PLCB1: variants seen among roughly 807,000 people sequenced by gnomAD.
The protein encoded by PLCB1 is 1-phosphatidylinositol 4,5-bisphosphate phosphodiesterase beta-1.
PLCB1 carries 46 observed loss-of-function variants against 161.8 expected under a neutral mutation model. The ratio of observed to expected loss-of-function variants is 0.28; its 90% confidence interval spans 0.22 to 0.36. The LOEUF is 0.36. Among genes scored for constraint, PLCB1 ranks in the 10% least tolerant of loss-of-function variants. The pLI, the probability that PLCB1 is intolerant of heterozygous loss-of-function variation, is 1.00. For synonymous variants in PLCB1, 517 were observed against 503.7 expected (o/e 1.03, Z -0.35); for missense variants, 1,016 against 1,472.5 (o/e 0.69, Z 5.07).
chr20:8,695,687 G>A (rs1990570229), intron 10 of PLCB1, among the ~76,000 whole-genome samples: 1 of 152,176 alleles, frequency 6.6e-6, no homozygotes, highest in South Asian at 2.1e-4. Flanking sequence ...CGGTGACAGA[G>A]TGAGATCCCA....
chr20:8,455,432 C>CTCTT (rs1365729968), intron 3 of PLCB1, among the ~76,000 whole-genome samples: 1 of 74,166 alleles, frequency 1.3e-5, no homozygotes, highest in African/African-American at 6.4e-5. Context: ...TATTCTTCCT[C>CTCTT]TTTTTTTTTT....
intron 31 of PLCB1, among the ~76,000 whole-genome samples, chr20:8,847,034 C>T (rs941634373): frequency 1.3e-5 from 2 of 152,208 alleles, no homozygotes; most frequent in African/African-American, 2.4e-5. Flanking sequence ...GTTTTGGTCT[C>T]AGCCCCAAAG....
chr20:8,728,624 A>T (rs1450076750), intron 17 of PLCB1, among the ~76,000 whole-genome samples: 1 of 152,058 alleles, frequency 6.6e-6, no homozygotes, highest in East Asian at 1.9e-4. Context: ...AAATGATTTA[A>T]CACATTCCAG....
intron 3 of PLCB1, among the ~76,000 whole-genome samples, chr20:8,524,892 A>G (rs1180208730): frequency 6.6e-6 from 1 of 152,164 alleles, no homozygotes; most frequent in Non-Finnish European, 1.5e-5. Flanking sequence ...AGAGGGAGGG[A>G]GCGTCTGTGT....
intron 3 of PLCB1, among the ~76,000 whole-genome samples, chr20:8,610,463 T>A (rs188939274): frequency 6.6e-6 from 1 of 152,326 alleles, no homozygotes; most frequent in Admixed American, 6.5e-5. Flanking sequence ...TAAGCTTTTG[T>A]GTGGACATGT....
chr20:8,657,864 A>T (rs189354645), intron 8 of PLCB1, among the ~76,000 whole-genome samples: 123 of 152,290 alleles, frequency 8.1e-4, no homozygotes, highest in Non-Finnish European at 1.4e-3. Flanking sequence ...ACATGACAGA[A>T]AATCAATACA....
At chr20:8,826,482 C>T (rs181598659) in intron 31 of PLCB1, among the ~76,000 whole-genome samples, 2,439 of 134,000 alleles carry the variant, frequency 0.018, 65 homozygotes, top group African/African-American at 0.063. Flanking sequence ...GGCAACAGAG[C>T]GAGACTCCGT....
intron 3 of PLCB1, among the ~76,000 whole-genome samples, chr20:8,402,842 C>T (rs955186149): frequency 4.0e-5 from 6 of 151,732 alleles, no homozygotes; most frequent in Non-Finnish European, 7.4e-5. Context: ...AAGACTCCAT[C>T]TCAAAAAAAT....
At chr20:8,664,920 CT>C (rs535263944) in intron 9 of PLCB1, among the ~76,000 whole-genome samples, 3 of 152,220 alleles carry the variant, frequency 2.0e-5, no homozygotes, top group South Asian at 4.1e-4. Context: ...GCTTCGGTCA[CT>C]CAAGGCCACT....
In PLCB1 at chr20:8,371,476, A is replaced by G. The variant is rs547790493; in HGVS notation, c.246+26A>G. The G allele has an allele frequency of 7.0e-4, 1,054 of 1,506,362 alleles. 16 individuals carry two copies. The South Asian group carries it at 0.012, about 17-fold the overall frequency. The allele number at this position is 1,506,362 out of a possible 1,614,324, so 93.3% of individuals were successfully genotyped here. ...GTAGGAGGTTGAGTGTTGTGCATGCACCAGATGCTGCCTTGATTGTTTGGC... is the reference window on the plus strand; with the variant it reads ...GTAGGAGGTTGAGTGTTGTGCATGCGCCAGATGCTGCCTTGATTGTTTGGC... On this transcript the variant is annotated intron_variant, in intron 3 of 31. Transcript: ENST00000338037.
At chr20:8,676,180 G>A (rs1600243560) in intron 9 of PLCB1, among the ~76,000 whole-genome samples, 1 of 152,202 alleles carries the variant, frequency 6.6e-6, no homozygotes, top group Non-Finnish European at 1.5e-5. Context: ...GACCAGCCTG[G>A]TGAAACCCTG....
chr20:8,146,105 GTTTTTTTTT>G (rs58227641), intron 1 of PLCB1, among the ~76,000 whole-genome samples: 1 of 141,752 alleles, frequency 7.1e-6, no homozygotes, highest in African/African-American at 2.5e-5. Context: ...TGTTTTTTTT[GTTTTTTTTT>G]TTTTTGGTAT....
intron 11 of PLCB1, 88 bp downstream of exon 11, chr20:8,697,871 G>T (rs985417489): frequency 1.6e-6 from 2 of 1,219,562 alleles, no homozygotes; most frequent in African/African-American, 1.5e-5. Context: ...AGTCCCAGTG[G>T]TCACAATTAA....
Position 8,307,529 on chromosome 20 carries a change from G to T in PLCB1, c.178-63853G>T, listed in dbSNP as rs190183234. On this transcript the variant is annotated intron_variant, in intron 2 of 31. Coordinates refer to ENST00000338037, the MANE Select transcript of PLCB1 (RefSeq NM_015192.4). ...TTTTTGTGCTTTTGGTTTGGTGGGG[G>T]TTTTTTTTGTTAGTTTTTGAGGGTT... 5.5e-4 allele frequency among the ~76,000 whole-genome samples: 83 copies of T among 151,880 alleles called. 1 individual carries two copies. The highest frequency in any genetic ancestry group is 1.3e-3 in the African/African-American group (52 of 41,438).
At chr20:8,141,917 A>G (rs2051408091) in intron 1 of PLCB1, 1 of 152,204 alleles carries the variant, frequency 6.6e-6, no homozygotes, top group African/African-American at 2.4e-5. Context: ...TGGAAGAACA[A>G]GAATATGGTA....
At chr20:8,321,641 T>C (rs1419493400) in intron 2 of PLCB1, among the ~76,000 whole-genome samples, 2 of 152,088 alleles carry the variant, frequency 1.3e-5, no homozygotes, top group Non-Finnish European at 2.9e-5. Context: ...ACACAAAATA[T>C]CATGGGTACA....
chr20:8,578,266 AAC>A (rs767582098), intron 3 of PLCB1, among the ~76,000 whole-genome samples: 1 of 152,246 alleles, frequency 6.6e-6, no homozygotes, highest in Non-Finnish European at 1.5e-5. Flanking sequence ...GGCATGAGAT[AAC>A]CACTTCTGTA....
chr20:8,313,040 T>C (rs1212507681), intron 2 of PLCB1, among the ~76,000 whole-genome samples: 8 of 152,208 alleles, frequency 5.3e-5, no homozygotes, highest in Admixed American at 5.2e-4. Flanking sequence ...AAATAAGTTC[T>C]TTTCAAAATA....
In PLCB1 at chr20:8,733,281, G is replaced by C; in HGVS notation, c.1932G>C (p.Gly644=). The part of the protein sequence containing the change: ...QINMGMYEYN[G]KSGYRLKPEF... ...ATATGGGGATGTATGAATACAACGG[G>C]AAGAGTGGCTACAGATTGAAGCCAG... The change falls in exon 19 of 32, where the codon GGG becomes GGC. Residue 644 remains glycine (G), a synonymous_variant. Coordinates refer to ENST00000338037, the MANE Select transcript of PLCB1 (RefSeq NM_015192.4). 6.2e-7 allele frequency: 1 copy of C among 1,614,004 alleles called. No homozygotes were observed. The highest frequency in any genetic ancestry group is 1.6e-4 in the Middle Eastern group (1 of 6,062).
Sources: allele counts gnomAD v4.1 joint callset (sites outside exome capture counted in the v4.1 genomes callset), GRCh38; gene constraint gnomAD v4.1.1; transcripts MANE v1.5; gene names NCBI Gene and HGNC (gene_info 2026-07-23, HGNC 2026-07-21).